Variants in TMEM33 observed in about 807,000 individuals in gnomAD.
TMEM33 encodes the protein transmembrane protein 33.
TMEM33 carries 16 observed loss-of-function variants against 29.7 expected under a neutral mutation model. The observed-to-expected ratio is 0.54, with a 90% CI of 0.36 to 0.82. The LOEUF (loss-of-function observed/expected upper bound fraction) is 0.82, where lower values mean the gene tolerates loss of function less well. Among genes scored for constraint, TMEM33 ranks in the 40% least tolerant of loss-of-function variants. The probability of loss-of-function intolerance (pLI) is 0.00; values close to 1 mark genes in which losing one functional copy is unlikely to be tolerated. For synonymous variants in TMEM33, 112 were observed against 109.4 expected, an observed-to-expected ratio of 1.02 and a Z score of -0.15; for missense variants, 252 against 295.3, an observed-to-expected ratio of 0.85 and a Z score of 1.08.
In TMEM33 at chr4:41,954,511, A is replaced by T. The variant is rs1391665614; in HGVS notation, c.*312A>T. ...TACATTAATTTCTCATGTAAAAAAA[A>T]TAGCTCTAAAATTTGTTTCAACCTA... On this transcript the variant is annotated 3_prime_UTR_variant, in exon 7 of 7. Coordinates refer to ENST00000504986, the MANE Select transcript of TMEM33 (RefSeq NM_018126.3). 3 of 176,446 alleles carry T rather than the reference A, an allele frequency of 1.7e-5. No individual in the cohort carries two copies. Among genetic ancestry groups the T allele is most frequent in the Non-Finnish European group, 3.6e-5 (3 of 82,706 alleles). The allele number at this position is 176,446 out of a possible 1,614,324, so 10.9% of individuals were successfully genotyped here.
chr4:41,953,954 T>A, intron 6 of TMEM33, 116 bp from the exon 7 acceptor site: 1 of 1,322,866 alleles, frequency 7.6e-7, no homozygotes. Flanking sequence ...TATGCGGTGT[T>A]GCAACAAACC....
At chr4:41,941,492 C>T (rs1416950855) in intron 3 of TMEM33, among the ~76,000 whole-genome samples, 1 of 152,152 alleles carries the variant, frequency 6.6e-6, no homozygotes, top group African/African-American at 2.4e-5. Context: ...GGGAACAGTG[C>T]CTCACACAGA....
At chr4:41,936,575 A>C (rs1712245505) in intron 1 of TMEM33, among the ~76,000 whole-genome samples, 1 of 152,006 alleles carries the variant, frequency 6.6e-6, no homozygotes, top group African/African-American at 2.4e-5. Context: ...AACATAAATT[A>C]GCCGGTCGTG....
At chr4:41,951,589 G>A (rs16853795) in intron 6 of TMEM33, among the ~76,000 whole-genome samples, 4,005 of 152,266 alleles carry the variant, frequency 0.026, 166 homozygotes, top group African/African-American at 0.09. Flanking sequence ...GGTTAAAACA[G>A]TGATTGTATG....
rs1713369183 is a variant in TMEM33, at chr4:41,958,776, T to G, written c.*4577T>G. On this transcript the variant is annotated 3_prime_UTR_variant, in exon 7 of 7. Transcript: ENST00000504986. ...CAGGCTGGAGTGCAGTGGTGCAGTC[T>G]TGGCTCACTGCAACCTCTGCCTCCT... The G allele has an allele frequency of 6.7e-6, 1 of 149,134 alleles. No homozygotes were observed. Among genetic ancestry groups the G allele is most frequent in the East Asian group, 2.0e-4 (1 of 5,064 alleles). 9.2% of individuals were successfully genotyped at this position (149,134 alleles called of 1,614,324 possible). A position where few individuals can be genotyped will look rare whatever the true frequency, so the allele number is the denominator to read the frequency against.
intron 5 of TMEM33, among the ~76,000 whole-genome samples, chr4:41,946,353 G>C (rs969564600): frequency 9.9e-5 from 15 of 151,966 alleles, no homozygotes; most frequent in East Asian, 7.7e-4. Context: ...TGTCCTTATT[G>C]ATCATATAGT....
At chr4:41,936,865 G>A (rs1712263041) in intron 1 of TMEM33, among the ~76,000 whole-genome samples, 3 of 152,036 alleles carry the variant, frequency 2.0e-5, no homozygotes, top group South Asian at 4.1e-4. Flanking sequence ...TTATATATCA[G>A]GAAGCATTTT....
At chr4:41,953,393 G>A (rs946586766) in intron 6 of TMEM33, among the ~76,000 whole-genome samples, 1 of 152,236 alleles carries the variant, frequency 6.6e-6, no homozygotes, top group Non-Finnish European at 1.5e-5. Flanking sequence ...GTGCGCAATA[G>A]CATTACCATC....
intron 3 of TMEM33, among the ~76,000 whole-genome samples, chr4:41,941,790 G>A (rs187874502): frequency 6.6e-5 from 10 of 152,266 alleles, no homozygotes; most frequent in South Asian, 4.1e-4. Flanking sequence ...ACAGATTTGC[G>A]TTCTGATCCT....
rs957216037 is a variant in TMEM33 at position 41,957,070 on chromosome 4, A to G, written c.*2871A>G. 4 of 152,166 alleles carry G rather than the reference A, an allele frequency of 2.6e-5. No individual in the cohort carries two copies. The highest frequency in any genetic ancestry group is 9.6e-5 in the African/African-American group (4 of 41,454). 9.4% of individuals were successfully genotyped at this position (152,166 alleles called of 1,614,324 possible). On this transcript the variant is annotated 3_prime_UTR_variant, in exon 7 of 7. Coordinates refer to ENST00000504986, the MANE Select transcript of TMEM33 (RefSeq NM_018126.3). ...AGTTCATTTAACATCCAGTGTGTCT[A>G]ATTCTTCTGGAAGTGGTGTAGTACC...
chr4:41,941,929 C>G (rs920763589), intron 3 of TMEM33, among the ~76,000 whole-genome samples: 3 of 152,176 alleles, frequency 2.0e-5, no homozygotes, highest in Non-Finnish European at 4.4e-5. Context: ...TTATGAATCT[C>G]TTACCAAGGA....
chr4:41,937,930 A>G (rs773402241), intron 1 of TMEM33, among the ~76,000 whole-genome samples: 1 of 152,172 alleles, frequency 6.6e-6, no homozygotes, highest in Non-Finnish European at 1.5e-5. Context: ...GTGGGGGAAC[A>G]TGGAGGTGAT....
intron 5 of TMEM33, among the ~76,000 whole-genome samples, chr4:41,948,596 C>G (rs1268268698): frequency 2.0e-5 from 3 of 151,964 alleles, no homozygotes; most frequent in African/African-American, 7.2e-5. Context: ...TTATATTCTG[C>G]TTTTTTCAGA....
At chr4:41,948,735 T>C (rs1712903842) in intron 5 of TMEM33, among the ~76,000 whole-genome samples, 1 of 152,130 alleles carries the variant, frequency 6.6e-6, no homozygotes, top group African/African-American at 2.4e-5. Context: ...ATTTTGTTTG[T>C]AGTTATTTCA....
chr4:41,936,107 A>G (rs1433908615), intron 1 of TMEM33, among the ~76,000 whole-genome samples: 2 of 152,228 alleles, frequency 1.3e-5, no homozygotes, highest in Non-Finnish European at 1.5e-5. Context: ...TTTTTAATCC[A>G]TAAGTAGTTA....
chr4:41,941,301 G>T lies in TMEM33; in HGVS notation c.328+1918G>T, dbSNP rs115833521. 3.1e-3 allele frequency among the ~76,000 whole-genome samples: 466 copies of T among 152,324 alleles called. 3 individuals are homozygous for T. Among genetic ancestry groups the T allele is most frequent in the African/African-American group, 0.011 (439 of 41,574 alleles). On this transcript the variant is annotated intron_variant, in intron 3 of 6. Coordinates refer to ENST00000504986, the MANE Select transcript of TMEM33 (RefSeq NM_018126.3). ...CATATTATTGGCTTGACCAGCCTCT[G>T]TTGATTGAAGTGCTTTGCAGTCACC...
At chr4:41,950,692 A>C (rs369837976) in intron 6 of TMEM33, among the ~76,000 whole-genome samples, 7 of 151,996 alleles carry the variant, frequency 4.6e-5, no homozygotes, top group African/African-American at 1.7e-4. Context: ...TTTTTACTTG[A>C]TTTCTTGAGT....
At chr4:41,947,722 A>G (rs1333800454) in intron 5 of TMEM33, among the ~76,000 whole-genome samples, 1 of 152,232 alleles carries the variant, frequency 6.6e-6, no homozygotes, top group Non-Finnish European at 1.5e-5. Flanking sequence ...GAACAGTCTT[A>G]CATTACTGCT....
chr4:41,936,967 C>T (rs1371845763), intron 1 of TMEM33, among the ~76,000 whole-genome samples: 11 of 151,536 alleles, frequency 7.3e-5, no homozygotes, highest in African/African-American at 1.9e-4. Context: ...ACCTTTTTTC[C>T]TTTCTAATTA....
Sources: gnomAD v4.1 joint callset for allele counts (sites outside exome capture counted in the v4.1 genomes callset) on GRCh38, gnomAD v4.1.1 for gene constraint, MANE v1.5 for transcripts, NCBI Gene and HGNC (gene_info 2026-07-23, HGNC 2026-07-21) for gene names.